Variants in CLASP2 observed in about 807,000 individuals in gnomAD.
The protein encoded by CLASP2 is cytoplasmic linker associated protein 2.
Under a neutral mutation model 194.4 loss-of-function variants are expected in CLASP2, and 47 were observed. That is an observed-to-expected ratio of 0.24 (90% CI 0.19 to 0.31). The LOEUF is 0.31. Ranked by LOEUF, CLASP2 falls within the 10% of genes least tolerant of loss-of-function variation. The pLI is 1.00. For synonymous variants in CLASP2, 619 were observed against 633.5 expected, an observed-to-expected ratio of 0.98 and a Z score of 0.34; for missense variants, 1,445 against 1,823.6, an observed-to-expected ratio of 0.79 and a Z score of 3.78.
intron 22 of CLASP2, 40 bp downstream of exon 22, chr3:33,584,708 AAG>A: frequency 1.4e-6 from 2 of 1,476,680 alleles, no homozygotes; most frequent in South Asian, 1.4e-5. Flanking sequence ...AAAAAAAAAA[AAG>A]GGTTACATGT....
rs771945334 is a variant in CLASP2, at chr3:33,602,608, G to A, written c.1924+344C>T. ...TCACATTCTTGGTAAGAGAAGAGAA[G>A]TAGGAGAAAGAAAACAGGAAAGTTA... On this transcript the variant is annotated intron_variant, in intron 18 of 38. Coordinates refer to ENST00000682230, the MANE Select transcript of CLASP2 (RefSeq NM_001365631.1). The A allele has an allele frequency of 2.8e-5, 21 of 752,250 alleles. No individual in the cohort carries two copies. In the African/African-American group the frequency reaches 3.4e-4, roughly 12 times the overall value. The allele number at this position is 752,250 out of a possible 1,614,324, so 46.6% of individuals were successfully genotyped here.
At chr3:33,717,773 G>A (rs749938180) in intron 1 of CLASP2, 35 bp downstream of exon 1, 12 of 1,546,134 alleles carry the variant, frequency 7.8e-6, no homozygotes, top group Admixed American at 5.9e-5. Flanking sequence ...TGCCGCGGAG[G>A]GCGTGACCAG....
intron 37 of CLASP2, among the ~76,000 whole-genome samples, chr3:33,506,584 T>C (rs1419969700): frequency 1.3e-5 from 2 of 152,060 alleles, no homozygotes; most frequent in South Asian, 2.1e-4. Flanking sequence ...CAATGGTTGC[T>C]TAAGTAGATG....
In CLASP2 at chr3:33,611,923, T is replaced by C; in HGVS notation, c.1388+78A>G. Reference sequence around the variant, plus strand: ...GGAAGGCAAGAAATGAATGACCAATTCTTGCAGCAGACAAATAATTAAACA... The same window carrying C: ...GGAAGGCAAGAAATGAATGACCAATCCTTGCAGCAGACAAATAATTAAACA... On this transcript the variant is annotated intron_variant, in intron 13 of 38. Transcript: ENST00000682230. 7 of 1,020,072 alleles carry C rather than the reference T, an allele frequency of 6.9e-6. No individual in the cohort carries two copies. The South Asian group carries it at 1.0e-4, about 15-fold the overall frequency. The allele number at this position is 1,020,072 out of a possible 1,614,324, so 63.2% of individuals were successfully genotyped here.
intron 7 of CLASP2, among the ~76,000 whole-genome samples, chr3:33,663,010 T>C (rs187268576): frequency 2.3e-4 from 35 of 152,172 alleles, no homozygotes; most frequent in Admixed American, 5.2e-4. Flanking sequence ...TGATCAGTTA[T>C]AGTCTCTTGA....
At chr3:33,651,713 G>T (rs2083251955) in intron 7 of CLASP2, among the ~76,000 whole-genome samples, 1 of 142,426 alleles carries the variant, frequency 7.0e-6, no homozygotes, top group African/African-American at 2.6e-5. Flanking sequence ...AGGCTGGAGT[G>T]CAATGGTGTG....
At chr3:33,530,273 T>C (rs114357661) in intron 34 of CLASP2, among the ~76,000 whole-genome samples, 1,890 of 152,128 alleles carry the variant, frequency 0.012, 13 homozygotes, top group Middle Eastern at 0.044. Flanking sequence ...CCAGGAGTTT[T>C]AGACTAGCCT....
intron 30 of CLASP2, among the ~76,000 whole-genome samples, chr3:33,549,518 G>GAA (rs1382739843): frequency 6.6e-6 from 1 of 152,016 alleles, no homozygotes; most frequent in East Asian, 1.9e-4. Context: ...TGAGCTGTTT[G>GAA]TGGGTTTTCT....
At chr3:33,537,215 A>C (rs1301117223) in intron 33 of CLASP2, among the ~76,000 whole-genome samples, 1 of 152,148 alleles carries the variant, frequency 6.6e-6, no homozygotes, top group Non-Finnish European at 1.5e-5. Context: ...ACTGAGTCTC[A>C]ATGAAGCAGT....
intron 34 of CLASP2, among the ~76,000 whole-genome samples, chr3:33,529,812 T>G (rs1013509500): frequency 6.6e-6 from 1 of 151,450 alleles, no homozygotes; most frequent in African/African-American, 2.4e-5. Flanking sequence ...AAACCCCGTC[T>G]CTACTAAAAA....
chr3:33,528,213 CA>C (rs774948090), intron 34 of CLASP2, among the ~76,000 whole-genome samples: 2 of 151,906 alleles, frequency 1.3e-5, no homozygotes, highest in African/African-American at 4.8e-5. Context: ...TCAATAGACA[CA>C]AAAAAAGACT....
intron 37 of CLASP2, 126 bp downstream of exon 37, chr3:33,510,432 G>T: frequency 1.2e-6 from 1 of 844,596 alleles, no homozygotes. Context: ...AAAAGTCTTT[G>T]TCCTGAATAT....
chr3:33,585,062 G>A, intron 21 of CLASP2, 142 bp from the exon 22 acceptor site: 7 of 604,436 alleles, frequency 1.2e-5, no homozygotes, highest in South Asian at 3.9e-5. Flanking sequence ...AATAGACCGA[G>A]GAAGATTTAA....
intron 29 of CLASP2, among the ~76,000 whole-genome samples, chr3:33,553,355 C>T (rs1054591019): frequency 6.6e-6 from 1 of 151,964 alleles, no homozygotes. Flanking sequence ...AATGAGAGTA[C>T]ATCAAACTAA....
intron 32 of CLASP2, among the ~76,000 whole-genome samples, chr3:33,541,073 G>A (rs2058270414): frequency 6.6e-6 from 1 of 152,176 alleles, no homozygotes; most frequent in Non-Finnish European, 1.5e-5. Flanking sequence ...TATTGTGGAA[G>A]ATAGTGTGGC....
At chr3:33,614,669 C>T (rs953008667) in intron 12 of CLASP2, among the ~76,000 whole-genome samples, 23 of 152,000 alleles carry the variant, frequency 1.5e-4, no homozygotes, top group African/African-American at 5.6e-4. Flanking sequence ...GTTAAGAAAA[C>T]GGGCTGGGCA....
chr3:33,526,354 C>A (rs770269299), intron 34 of CLASP2, among the ~76,000 whole-genome samples: 3 of 151,974 alleles, frequency 2.0e-5, no homozygotes, highest in African/African-American at 7.2e-5. Flanking sequence ...GAAGAGATTT[C>A]GAACCAACAA....
At chr3:33,552,638 C>T (rs1318422462) in intron 29 of CLASP2, among the ~76,000 whole-genome samples, 1 of 152,102 alleles carries the variant, frequency 6.6e-6, no homozygotes, top group Non-Finnish European at 1.5e-5. Context: ...TACACATATA[C>T]ATAGTGAAAC....
intron 18 of CLASP2, among the ~76,000 whole-genome samples, chr3:33,597,748 TTTTC>T (rs1283849105): frequency 1.9e-4 from 28 of 148,270 alleles, no homozygotes; most frequent in South Asian, 1.1e-3. Context: ...ATTTCTTTTC[TTTTC>T]TTTCTTTTTT....
Sources: allele counts gnomAD v4.1 joint callset (sites outside exome capture counted in the v4.1 genomes callset), GRCh38; gene constraint gnomAD v4.1.1; transcripts MANE v1.5; gene names NCBI Gene and HGNC (gene_info 2026-07-23, HGNC 2026-07-21).